Variants in CLIC5 observed in about 807,000 individuals in gnomAD.
CLIC5 encodes the protein chloride intracellular channel protein 5.
Under a neutral mutation model 24.7 loss-of-function variants are expected in CLIC5, and 20 were observed. The observed-to-expected ratio is 0.81, with a 90% CI of 0.57 to 1.18. The LOEUF (loss-of-function observed/expected upper bound fraction) is 1.18, where lower values mean the gene tolerates loss of function less well. Ranked by LOEUF, CLIC5 falls within the 50% of genes most tolerant of loss-of-function variation. CLIC5 has a pLI of 0.00. For synonymous variants in CLIC5, 159 were observed against 135.6 expected (o/e 1.17, Z -1.20); for missense variants, 341 against 326.1 (o/e 1.05, Z -0.35).
the CLIC5 span, among the ~76,000 whole-genome samples, chr6:46,100,899 G>T: frequency 6.6e-6 from 1 of 152,222 alleles, no homozygotes; most frequent in South Asian, 2.1e-4. Flanking sequence ...ACACCACCTG[G>T]AGGTTACAGA....
chr6:46,110,005 G>A, the CLIC5 span, among the ~76,000 whole-genome samples: 47,662 of 151,706 alleles, frequency 0.31, 7,929 homozygotes, highest in Middle Eastern at 0.45. Context: ...AAAATCCCTC[G>A]TGGCTTGGAT....
At chr6:45,891,579 G>C (rs997250073) in intron 6 of CLIC5, among the ~76,000 whole-genome samples, 1 of 149,882 alleles carries the variant, frequency 6.7e-6, no homozygotes, top group Non-Finnish European at 1.5e-5. Flanking sequence ...GAGGTTCAGT[G>C]AGGCGAGATC....
chr6:45,992,522 C>T (rs1765978738), intron 1 of CLIC5, among the ~76,000 whole-genome samples: 1 of 152,208 alleles, frequency 6.6e-6, no homozygotes, highest in African/African-American at 2.4e-5. Context: ...TTCAGTCCTG[C>T]CCCACTGTGA....
chr6:46,004,382 T>A (rs1007053437), intron 1 of CLIC5, among the ~76,000 whole-genome samples: 1 of 152,186 alleles, frequency 6.6e-6, no homozygotes, highest in East Asian at 1.9e-4. Context: ...CTCTGGACTA[T>A]GGAAAGTGGG....
At chr6:45,946,358 C>T (rs996299736) in intron 3 of CLIC5, among the ~76,000 whole-genome samples, 21 of 152,178 alleles carry the variant, frequency 1.4e-4, no homozygotes, top group Admixed American at 6.5e-5. Flanking sequence ...CTTGAGACTT[C>T]CTGGATTCCT....
the CLIC5 span, among the ~76,000 whole-genome samples, chr6:46,117,460 A>T: frequency 3.1e-4 from 47 of 152,260 alleles, no homozygotes; most frequent in South Asian, 8.9e-3. Flanking sequence ...CTAATATATT[A>T]CTCTATCTGG....
At chr6:46,129,801 G>A in the CLIC5 span, 15 of 152,276 alleles carry the variant, frequency 9.9e-5, no homozygotes, top group African/African-American at 3.1e-4. Flanking sequence ...TGCGTGGTGG[G>A]AGAGTGGAAT....
At chr6:45,937,600 T>A (rs1407654004) in intron 4 of CLIC5, 2 of 152,258 alleles carry the variant, frequency 1.3e-5, no homozygotes, top group African/African-American at 4.8e-5. Flanking sequence ...TGACTTTGTC[T>A]CGTTGCCTTG....
intron 1 of CLIC5, among the ~76,000 whole-genome samples, chr6:46,047,177 G>A (rs1367506390): frequency 6.6e-6 from 1 of 152,164 alleles, no homozygotes; most frequent in Non-Finnish European, 1.5e-5. Flanking sequence ...GTTGCCATGG[G>A]CATCTTGGGT....
chr6:45,913,654 A>G (rs1352043552), intron 5 of CLIC5: 9 of 548,342 alleles, frequency 1.6e-5, no homozygotes, highest in Admixed American at 4.4e-5. Flanking sequence ...GGTTTGTTAT[A>G]TAGGAGAGGA....
chr6:45,915,691 T>G (rs1333479849), intron 4 of CLIC5, among the ~76,000 whole-genome samples: 1 of 152,188 alleles, frequency 6.6e-6, no homozygotes, highest in African/African-American at 2.4e-5. Context: ...GTCAAATAAT[T>G]ATCTGTCACA....
intron 1 of CLIC5, among the ~76,000 whole-genome samples, chr6:45,968,960 T>C (rs1263876602): frequency 6.6e-6 from 1 of 152,192 alleles, no homozygotes; most frequent in African/African-American, 2.4e-5. Context: ...TAATTTTCCC[T>C]CTCTGGGTCT....
chr6:45,993,188 G>A (rs889281329), intron 1 of CLIC5, among the ~76,000 whole-genome samples: 1 of 152,172 alleles, frequency 6.6e-6, no homozygotes, highest in Non-Finnish European at 1.5e-5. Context: ...AAGGCCATAT[G>A]AGCAGAAAAC....
intron 2 of CLIC5, among the ~76,000 whole-genome samples, chr6:45,953,985 G>C (rs1764554491): frequency 6.6e-6 from 1 of 152,092 alleles, no homozygotes; most frequent in Non-Finnish European, 1.5e-5. Flanking sequence ...CTAGAAAATA[G>C]AAGAAAAAGA....
intron 1 of CLIC5, among the ~76,000 whole-genome samples, chr6:45,957,127 A>T (rs1764671725): frequency 6.6e-6 from 1 of 152,164 alleles, no homozygotes; most frequent in South Asian, 2.1e-4. Context: ...CAAAAACAGA[A>T]GCCAGATCCA....
intron 1 of CLIC5, among the ~76,000 whole-genome samples, chr6:46,029,911 C>T (rs1339361725): frequency 6.6e-6 from 1 of 152,150 alleles, no homozygotes; most frequent in African/African-American, 2.4e-5. Context: ...AGAGTCCAGA[C>T]CAGAATTCAT....
At position 45,916,581 on chromosome 6, in the gene CLIC5, C is replaced by T. The variant is rs982171133; in HGVS notation, c.407-2172G>A. Among the ~76,000 whole-genome samples the T allele has an allele frequency of 2.6e-4, 40 of 152,072 alleles. 1 individual carries two copies. Among genetic ancestry groups the T allele is most frequent in the Admixed American group, 2.6e-3 (40 of 15,274 alleles). On this transcript the variant is annotated intron_variant, in intron 4 of 5. Coordinates refer to ENST00000339561, the MANE Select transcript of CLIC5 (RefSeq NM_016929.5). ...TCATACGATAGGAGATGAGACATTG[C>T]AGGTTCTAATCTCAAATGGCCCTGG...
chr6:46,016,102 G>A (rs1766995509), upstream of CLIC5, among the ~76,000 whole-genome samples: 1 of 148,464 alleles, frequency 6.7e-6, no homozygotes, highest in Non-Finnish European at 1.5e-5. Context: ...AGAAGGGGAA[G>A]GGGAAGAGGA....
intron 1 of CLIC5, among the ~76,000 whole-genome samples, chr6:45,991,151 G>A (rs140484888): frequency 7.9e-5 from 12 of 152,276 alleles, no homozygotes; most frequent in Non-Finnish European, 1.3e-4. Flanking sequence ...CTAGCTAACA[G>A]AACATAGTAA....
Sources: allele counts gnomAD v4.1 joint callset (sites outside exome capture counted in the v4.1 genomes callset), GRCh38; gene constraint gnomAD v4.1.1; transcripts MANE v1.5; gene names NCBI Gene and HGNC (gene_info 2026-07-23, HGNC 2026-07-21).